Variants in SLC9C1 observed in about 807,000 individuals in gnomAD.
SLC9C1 encodes the protein sodium/hydrogen exchanger 10.
In SLC9C1, 97 loss-of-function variants were observed where a neutral mutation model predicts 140.9. The observed-to-expected ratio is 0.69, with a 90% CI of 0.58 to 0.82. The LOEUF (loss-of-function observed/expected upper bound fraction) is 0.82, where lower values mean the gene tolerates loss of function less well. Ranked by LOEUF, SLC9C1 falls within the 40% of genes least tolerant of loss-of-function variation. The pLI, the probability that SLC9C1 is intolerant of heterozygous loss-of-function variation, is 0.00. For synonymous variants in SLC9C1, 440 were observed against 442.6 expected, an observed-to-expected ratio of 0.99 and a Z score of 0.07; for missense variants, 1,340 against 1,389.3, an observed-to-expected ratio of 0.96 and a Z score of 0.56.
rs531241701 is a variant in SLC9C1, at chr3:112,196,865, G to A, written c.2523+2456C>T. ...ACTGTTTTAAAGTCTTTGTCTGGTAGACCTGCCATCTTTTTTAGGGACAGT... is the reference window on the plus strand; with the variant it reads ...ACTGTTTTAAAGTCTTTGTCTGGTAAACCTGCCATCTTTTTTAGGGACAGT... On this transcript the variant is annotated intron_variant, in intron 20 of 28. Transcript: ENST00000305815. Among the ~76,000 whole-genome samples, 48 of 151,908 alleles carry A rather than the reference G, an allele frequency of 3.2e-4. 2 individuals are homozygous for A. In the South Asian group the frequency reaches 9.8e-3, roughly 31 times the overall value.
intron 20 of SLC9C1, among the ~76,000 whole-genome samples, chr3:112,188,006 A>G (rs907064528): frequency 1.8e-4 from 27 of 151,962 alleles, no homozygotes; most frequent in African/African-American, 6.5e-4. Context: ...ATGTTTCCAT[A>G]TATGTTTCCA....
chr3:112,215,759 T>A (rs1413052382), intron 15 of SLC9C1, among the ~76,000 whole-genome samples: 2 of 152,190 alleles, frequency 1.3e-5, no homozygotes, highest in Admixed American at 1.3e-4. Flanking sequence ...AGAATCAATA[T>A]TGTTAAAATG....
chr3:112,288,737 G>A (rs910893653), intron 1 of SLC9C1, among the ~76,000 whole-genome samples: 5 of 152,250 alleles, frequency 3.3e-5, no homozygotes, highest in Admixed American at 2.0e-4. Flanking sequence ...TCCAACCGGG[G>A]TGACAGAGTG....
At position 112,182,266 on chromosome 3, in the gene SLC9C1, A is replaced by T. The variant is rs1007890769; in HGVS notation, c.2524-8T>A. The T allele has an allele frequency of 8.2e-6, 13 of 1,593,930 alleles. No homozygotes were observed. Among genetic ancestry groups the T allele is most frequent in the Non-Finnish European group, 1.0e-5 (12 of 1,172,428 alleles). ...CTTTTTGGCCATGATTAACTAAAAC[A>T]TAAAATTTAAGAAAAGGGATGAACC... On this transcript the variant is annotated splice_polypyrimidine_tract_variant and splice_region_variant and intron_variant, in intron 20 of 28. Transcript: ENST00000305815.
intron 11 of SLC9C1, among the ~76,000 whole-genome samples, chr3:112,241,389 G>A (rs915324066): frequency 6.6e-6 from 1 of 152,054 alleles, no homozygotes; most frequent in African/African-American, 2.4e-5. Context: ...TAGAGCTAAC[G>A]AAGGAGGTGA....
At chr3:112,258,937 C>T (rs1335031499) in intron 10 of SLC9C1, among the ~76,000 whole-genome samples, 2 of 151,972 alleles carry the variant, frequency 1.3e-5, no homozygotes, top group African/African-American at 4.8e-5. Context: ...AGGGGAAGTG[C>T]TACACATTTT....
chr3:112,271,410 T>TATATATATATATATATATATA (rs1553704077), intron 6 of SLC9C1, among the ~76,000 whole-genome samples: 1 of 148,226 alleles, frequency 6.7e-6, no homozygotes, highest in Non-Finnish European at 1.5e-5. Context: ...TATATATATA[T>TATATATATATATATATATATA]CAAAGCCTCA....
At chr3:112,161,044 G>A (rs1302402211) in intron 26 of SLC9C1, among the ~76,000 whole-genome samples, 116 of 152,240 alleles carry the variant, frequency 7.6e-4, no homozygotes, top group African/African-American at 2.6e-3. Flanking sequence ...TTTTTCATGT[G>A]TTTTTTGGCT....
intron 20 of SLC9C1, chr3:112,185,354 A>T: frequency 1.5e-6 from 1 of 665,066 alleles, no homozygotes; most frequent in Non-Finnish European, 2.5e-6. Context: ...AAAAAATAAT[A>T]AAAGGTCTCA....
Position 112,177,790 on chromosome 3 carries a change from T to C in SLC9C1, c.2919+1741A>G, listed in dbSNP as rs1030468811. 2.8e-5 allele frequency among the ~76,000 whole-genome samples: 4 copies of C among 144,906 alleles called. 1 individual carries two copies. In the East Asian group the frequency reaches 8.9e-4, roughly 32 times the overall value. The stretch of plus-strand genomic sequence containing the variant: ...TCATATATTTTATTAAGTTTTAGGG[T>C]TTTTTTTTTATAGCAGATGTGCTGC... On this transcript the variant is annotated intron_variant, in intron 23 of 28. Coordinates refer to ENST00000305815, the MANE Select transcript of SLC9C1 (RefSeq NM_183061.3).
intron 28 of SLC9C1, among the ~76,000 whole-genome samples, chr3:112,150,887 G>A (rs1444263610): frequency 6.9e-6 from 1 of 145,942 alleles, no homozygotes; most frequent in Non-Finnish European, 1.5e-5. Flanking sequence ...GCCCAGGCTG[G>A]AGTGCAATGG....
chr3:112,220,852 C>A (rs913815641), intron 14 of SLC9C1, among the ~76,000 whole-genome samples: 7 of 63,190 alleles, frequency 1.1e-4, no homozygotes, highest in Non-Finnish European at 1.7e-4. Flanking sequence ...TAACTTTTGG[C>A]AGGGGGGGAC....
intron 12 of SLC9C1, among the ~76,000 whole-genome samples, chr3:112,238,249 C>T (rs1368684152): frequency 1.3e-5 from 2 of 152,326 alleles, no homozygotes; most frequent in South Asian, 2.1e-4. Flanking sequence ...TTGATTGAAT[C>T]GGCTACTGAA....
intron 15 of SLC9C1, among the ~76,000 whole-genome samples, chr3:112,216,993 G>A (rs2078393074): frequency 1.3e-5 from 2 of 152,078 alleles, no homozygotes. Context: ...AAGAAAATAT[G>A]TCACATATAC....
chr3:112,263,146 C>A, intron 9 of SLC9C1, 48 bp from the exon 10 acceptor site: 2 of 1,475,628 alleles, frequency 1.4e-6, no homozygotes, highest in Non-Finnish European at 1.8e-6. Context: ...ATATGAGTTT[C>A]TTTCCATTTC....
chr3:112,151,021 A>T (rs1294211271), intron 28 of SLC9C1, among the ~76,000 whole-genome samples: 1 of 151,672 alleles, frequency 6.6e-6, no homozygotes, highest in East Asian at 1.9e-4. Context: ...TATTTTTAAT[A>T]GAGATGGGGT....
intron 22 of SLC9C1, 68 bp from the exon 23 acceptor site, chr3:112,179,769 G>T (rs2077404735): frequency 1.5e-6 from 2 of 1,356,508 alleles, no homozygotes; most frequent in South Asian, 1.7e-5. Context: ...ACTAATTTAT[G>T]ACTTTTTCCA....
chr3:112,261,106 T>C (rs2079759466), intron 10 of SLC9C1, among the ~76,000 whole-genome samples: 1 of 152,080 alleles, frequency 6.6e-6, no homozygotes, highest in East Asian at 1.9e-4. Flanking sequence ...TCCTTATGTG[T>C]TCCATTTCTC....
intron 26 of SLC9C1, among the ~76,000 whole-genome samples, chr3:112,162,474 G>A (rs1411466888): frequency 1.3e-5 from 2 of 152,146 alleles, no homozygotes; most frequent in Non-Finnish European, 2.9e-5. Flanking sequence ...AGAGTTTTTA[G>A]CATGAAGGGT....
Sources: allele counts gnomAD v4.1 joint callset (sites outside exome capture counted in the v4.1 genomes callset), GRCh38; gene constraint gnomAD v4.1.1; transcripts MANE v1.5; gene names NCBI Gene and HGNC (gene_info 2026-07-23, HGNC 2026-07-21).